SMARCE1: variants seen among roughly 807,000 people sequenced by gnomAD.
SMARCE1 encodes SWI/SNF-related matrix-associated actin-dependent regulator of chromatin subfamily E member 1.
SMARCE1 carries 13 observed loss-of-function variants against 54.9 expected under a neutral mutation model. The observed-to-expected ratio is 0.24, with a 90% CI of 0.15 to 0.38. The LOEUF is 0.38. Ranked by LOEUF, SMARCE1 falls within the 10% of genes least tolerant of loss-of-function variation. The pLI, the probability that SMARCE1 is intolerant of heterozygous loss-of-function variation, is 1.00. For synonymous variants in SMARCE1, 151 were observed against 175.3 expected (o/e 0.86, Z 1.10); for missense variants, 295 against 523.8 (o/e 0.56, Z 4.26).
intron 4 of SMARCE1, among the ~76,000 whole-genome samples, chr17:40,638,881 A>G (rs1436134737): frequency 1.3e-5 from 2 of 152,134 alleles, no homozygotes; most frequent in African/African-American, 2.4e-5. Context: ...CTGGGACCCC[A>G]ATCATAACCT....
rs1240216513 is a variant in SMARCE1 at position 40,635,921 on chromosome 17, T to C, written c.541+10A>G. On this transcript the variant is annotated intron_variant, in intron 7 of 10. Coordinates refer to ENST00000348513, the MANE Select transcript of SMARCE1 (RefSeq NM_003079.5). ...AAAGCATAAACAAAACCCCACTTTT[T>C]TTCTTTTACCATCTGGATCTTCAGC... 11 of 1,547,740 alleles carry C rather than the reference T, an allele frequency of 7.1e-6. No homozygotes were observed. Among genetic ancestry groups the C allele is most frequent in the South Asian group, 1.3e-5 (1 of 78,232 alleles).
At chr17:40,629,260 A>G (rs2037066779) in intron 10 of SMARCE1, 1 of 519,184 alleles carries the variant, frequency 1.9e-6, no homozygotes, top group Admixed American at 3.4e-5. Flanking sequence ...CTGAATTGAG[A>G]TGTGTATAAA....
rs1232430620 is a variant in SMARCE1, at chr17:40,647,775, G to C, written c.-48C>G. On this transcript the variant is annotated splice_region_variant and 5_prime_UTR_variant, in exon 1 of 11. Transcript: ENST00000348513. ...CCGTCCCACTTGGAAACACTCACCC[G>C]CGGGCAGAAAAAGCGCCCGCAGCTC... The C allele has an allele frequency of 6.5e-6, 1 of 153,420 alleles. No homozygotes were observed. The allele number at this position is 153,420 out of a possible 1,614,324, so 9.5% of individuals were successfully genotyped here.
At chr17:40,634,788 A>AGG (rs2037129554) in intron 7 of SMARCE1, 1 of 152,078 alleles carries the variant, frequency 6.6e-6, no homozygotes, top group African/African-American at 2.4e-5. Flanking sequence ...ACTGACCTCC[A>AGG]TCCTCCCAAT....
Position 40,632,176 on chromosome 17 carries a change from G to T in SMARCE1, c.714+19C>A. The stretch of plus-strand genomic sequence containing the variant: ...TGGTATAGGCACATCTTATTGAAAT[G>T]AATGTTTTATGACTTTACCTGATGA... On this transcript the variant is annotated intron_variant, in intron 8 of 10. Coordinates refer to ENST00000348513, the MANE Select transcript of SMARCE1 (RefSeq NM_003079.5). 1 of 1,590,736 alleles carries T rather than the reference G, an allele frequency of 6.3e-7. No homozygotes were observed. Among genetic ancestry groups the T allele is most frequent in the Non-Finnish European group, 8.6e-7 (1 of 1,163,338 alleles).
intron 3 of SMARCE1, chr17:40,644,109 TATA>T (rs1487318639): frequency 1.3e-5 from 2 of 152,236 alleles, no homozygotes; most frequent in African/African-American, 4.8e-5. Context: ...AATGTGAAAC[TATA>T]ATGACACAAA....
At chr17:40,635,293 C>T (rs2037135296) in intron 7 of SMARCE1, 1 of 145,652 alleles carries the variant, frequency 6.9e-6, no homozygotes, top group Admixed American at 6.7e-5. Context: ...GTTCACACTG[C>T]AGGTGGCTAT....
chr17:40,632,658 G>T (rs1426882107), intron 7 of SMARCE1: 1 of 305,980 alleles, frequency 3.3e-6, no homozygotes, highest in East Asian at 6.6e-5. Context: ...TTCTGGCTTC[G>T]GAATCAATGT....
chr17:40,630,793 G>C lies in SMARCE1; in HGVS notation c.948C>G (p.Ser316Arg). The part of the protein sequence containing the change: ...EAAEQAERSQ[S>R]SIVPEEEQAA... Reference sequence around the variant, plus strand: ...CTTGTTCTTCCTCAGGAACGATGCTGCTCTGACTGCGCTCAGCTTGCTCTG... The same window carrying C: ...CTTGTTCTTCCTCAGGAACGATGCTCCTCTGACTGCGCTCAGCTTGCTCTG... The change falls in exon 10 of 11, where the codon AGC becomes AGG. Residue 316 changes from serine (S) to arginine (R), a missense_variant. Ser to Arg is a moderately radical substitution (Grantham distance 110). Around this residue, in one of 5 missense-constraint regions of SMARCE1, gnomAD observed 147 missense variants for 161.4 expected, o/e 0.91. Transcript: ENST00000348513. 6.2e-7 allele frequency: 1 copy of C among 1,614,068 alleles called. No individual in the cohort carries two copies. Among genetic ancestry groups the C allele is most frequent in the Non-Finnish European group, 8.5e-7 (1 of 1,180,032 alleles).
intron 10 of SMARCE1, chr17:40,629,698 C>G: frequency 2.5e-6 from 1 of 401,154 alleles, no homozygotes; most frequent in Non-Finnish European, 4.4e-6. Context: ...ATGCCCCATT[C>G]ATAGATGCCA....
Position 40,628,835 on chromosome 17 carries a change from C to CTGT in SMARCE1, c.1183_1185dup (p.Thr395dup). 6.2e-7 allele frequency: 1 copy of CTGT among 1,613,894 alleles called. No homozygotes were observed. Among genetic ancestry groups the CTGT allele is most frequent in the South Asian group, 1.1e-5 (1 of 91,070 alleles). On this transcript the variant is annotated inframe_insertion, in exon 11 of 11. Transcript: ENST00000348513. ...ATGGGATCTGTTGGTGGCTCCTCCA[C>CTGT]TGTTGCACTGTTGCTCTCCGAGCCA... is the stretch of plus-strand genomic sequence containing the variant.
intron 6 of SMARCE1, 24 bp downstream of exon 6, chr17:40,636,371 T>C (rs1217724791): frequency 1.9e-6 from 3 of 1,604,452 alleles, no homozygotes; most frequent in Non-Finnish European, 2.6e-6. Flanking sequence ...ACATTATCTA[T>C]CCCACTGTGA....
chr17:40,645,763 CAT>C, intron 2 of SMARCE1, 31 bp downstream of exon 2: 1 of 1,102,218 alleles, frequency 9.1e-7, no homozygotes, highest in Non-Finnish European at 1.2e-6. Flanking sequence ...CTCTTATTAA[CAT>C]AGATTGATAA....
chr17:40,633,189 T>A (rs1010896451), intron 7 of SMARCE1: 3 of 152,162 alleles, frequency 2.0e-5, no homozygotes, highest in Non-Finnish European at 4.4e-5. Flanking sequence ...TTTGTATTTT[T>A]AGTAGAGATG....
At chr17:40,632,862 T>C (rs553650620) in intron 7 of SMARCE1, 1 of 152,696 alleles carries the variant, frequency 6.5e-6, no homozygotes, top group African/African-American at 2.4e-5. Context: ...CCTCTAACAA[T>C]ATTCAGTTTC....
rs377096761 is a variant in SMARCE1 at position 40,628,848 on chromosome 17, G to A, written c.1173C>T (p.Ser391=). The change falls in exon 11 of 11, where the codon AGC becomes AGT. Residue 391 remains serine, a synonymous_variant. Coordinates refer to ENST00000348513, the MANE Select transcript of SMARCE1 (RefSeq NM_003079.5). ...GTSDSNTGSE[S]NSATVEEPPT... Reference sequence around the variant, plus strand: ...GTGGCTCCTCCACTGTTGCACTGTTGCTCTCCGAGCCAGTGTTACTATCAC... The same window carrying A: ...GTGGCTCCTCCACTGTTGCACTGTTACTCTCCGAGCCAGTGTTACTATCAC... 5.4e-5 allele frequency: 87 copies of A among 1,613,528 alleles called. No individual in the cohort carries two copies. Among genetic ancestry groups the A allele is most frequent in the Non-Finnish European group, 7.3e-5 (86 of 1,179,804 alleles).
chr17:40,642,040 C>A lies in SMARCE1; in HGVS notation c.156+415G>T. On this transcript the variant is annotated intron_variant, in intron 4 of 10. Transcript: ENST00000348513. This position sits in a 1 kb window ranked among gnomAD's most constrained non-coding sequence, Gnocchi z 4.6. ...TTCAAACTGGTGTACCAGCCAAAAG[C>A]TTTCCAGCCCTGAAAAAGCCAGGTC... The A allele has an allele frequency of 4.2e-6, 1 of 239,260 alleles. No homozygotes were observed. The highest frequency in any genetic ancestry group is 7.9e-6 in the Non-Finnish European group (1 of 126,698). 14.8% of individuals were successfully genotyped at this position (239,260 alleles called of 1,614,324 possible).
intron 7 of SMARCE1, 69 bp downstream of exon 7, chr17:40,635,862 A>G (rs1301097597): frequency 2.1e-5 from 24 of 1,158,268 alleles, no homozygotes; most frequent in Admixed American, 2.7e-5. Flanking sequence ...AAAAACTTAT[A>G]CTTAAGAGAT....
rs1242588982 is a variant in SMARCE1 at position 40,628,081 on chromosome 17, T to C, written c.*704A>G. ...AAAACCTGGTAAAAAAGTAATTTTT[T>C]TTCTATACAATAAGGATGGATTTAC... On this transcript the variant is annotated 3_prime_UTR_variant, in exon 11 of 11. Coordinates refer to ENST00000348513, the MANE Select transcript of SMARCE1 (RefSeq NM_003079.5). 1 of 152,662 alleles carries C rather than the reference T, an allele frequency of 6.6e-6. No homozygotes were observed. The highest frequency in any genetic ancestry group is 2.4e-5 in the African/African-American group (1 of 41,466). The allele number at this position is 152,662 out of a possible 1,614,324, so 9.5% of individuals were successfully genotyped here.
Sources: allele counts gnomAD v4.1 joint callset (sites outside exome capture counted in the v4.1 genomes callset), GRCh38; gene constraint gnomAD v4.1.1; regional missense constraint gnomAD v4.1.1; non-coding constraint Gnocchi (gnomAD v3.1); transcripts MANE v1.5; gene names NCBI Gene and HGNC (gene_info 2026-07-23, HGNC 2026-07-21).